Variants in ATXN1 observed in about 807,000 individuals in gnomAD.
ATXN1 encodes ataxin 1.
A neutral mutation model predicts 56.4 loss-of-function variants in ATXN1; 8 were observed. The observed-to-expected ratio is 0.14, with a 90% CI of 0.08 to 0.26. The LOEUF (loss-of-function observed/expected upper bound fraction) is 0.26. Ranked by LOEUF, ATXN1 falls within the 10% of genes least tolerant of loss-of-function variation. The pLI, the probability that ATXN1 is intolerant of heterozygous loss-of-function variation, is 1.00. For missense variants in ATXN1, 987 were observed against 1,106.5 expected (o/e 0.89, Z 1.53); for synonymous variants, 514 against 494.6 (o/e 1.04, Z -0.52).
At chr6:16,624,908 C>G (rs775876213) in intron 3 of ATXN1, among the ~76,000 whole-genome samples, 47 of 152,216 alleles carry the variant, frequency 3.1e-4, no homozygotes, top group Non-Finnish European at 6.0e-4. Flanking sequence ...CAAACTGCAG[C>G]TTCAACCTTT....
At chr6:16,515,176 C>G (rs1218816336) in intron 5 of ATXN1, among the ~76,000 whole-genome samples, 1 of 152,034 alleles carries the variant, frequency 6.6e-6, no homozygotes, top group Non-Finnish European at 1.5e-5. Flanking sequence ...TTGTAACACG[C>G]CCACAGTAGT....
At chr6:16,616,815 T>TA (rs1169252853) in intron 3 of ATXN1, among the ~76,000 whole-genome samples, 2 of 151,120 alleles carry the variant, frequency 1.3e-5, no homozygotes, top group Non-Finnish European at 2.9e-5. Context: ...AGTCTCCCCA[T>TA]AGCCACGGTT....
chr6:16,663,324 T>C (rs960169407), intron 2 of ATXN1, among the ~76,000 whole-genome samples: 1 of 152,132 alleles, frequency 6.6e-6, no homozygotes, highest in Non-Finnish European at 1.5e-5. Flanking sequence ...AGAAAGTCAC[T>C]AAGGATTCAA....
At chr6:16,473,686 C>A (rs1386793507) in intron 6 of ATXN1, among the ~76,000 whole-genome samples, 3 of 152,064 alleles carry the variant, frequency 2.0e-5, no homozygotes, top group Non-Finnish European at 4.4e-5. Context: ...CACAAAGGAG[C>A]GAGGTGAGGA....
intron 2 of ATXN1, among the ~76,000 whole-genome samples, chr6:16,716,648 G>C (rs1280441742): frequency 6.6e-6 from 1 of 152,194 alleles, no homozygotes; most frequent in Non-Finnish European, 1.5e-5. Flanking sequence ...TTTCTGATGA[G>C]GATCAGATAG....
chr6:16,330,725 A>G (rs944952934), intron 6 of ATXN1, among the ~76,000 whole-genome samples: 34 of 152,114 alleles, frequency 2.2e-4, no homozygotes, highest in African/African-American at 8.2e-4. Flanking sequence ...GTTTTGCTCC[A>G]ACATCATCAA....
At chr6:16,719,581 A>T (rs1406889547) in intron 2 of ATXN1, among the ~76,000 whole-genome samples, 1 of 152,216 alleles carries the variant, frequency 6.6e-6, no homozygotes, top group Admixed American at 6.5e-5. Flanking sequence ...TAAGAAGATA[A>T]AAATTAACCA....
rs565400662 is a variant in ATXN1, at chr6:16,304,179, T to C, written c.*2150A>G. 6.5e-6 allele frequency: 1 copy of C among 152,700 alleles called. No homozygotes were observed. The highest frequency in any genetic ancestry group is 2.4e-5 in the African/African-American group (1 of 41,574). 9.5% of individuals were successfully genotyped at this position (152,700 alleles called of 1,614,324 possible). On this transcript the variant is annotated 3_prime_UTR_variant, in exon 8 of 8. Coordinates refer to ENST00000436367, the MANE Select transcript of ATXN1 (RefSeq NM_001128164.2). ...TGTGGGTTGATACCAGATTTTTTTT[T>C]TAATTTGTGAAACGAAGAAAGTACT...
chr6:16,404,764 C>G (rs2237215), intron 6 of ATXN1, among the ~76,000 whole-genome samples: 25,180 of 152,126 alleles, frequency 0.17, 2,643 homozygotes, highest in African/African-American at 0.3. Flanking sequence ...TGAAATGTCA[C>G]TGTTCCCTCT....
Position 16,689,472 on chromosome 6 carries a change from C to A in ATXN1, c.-614-31571G>T, listed in dbSNP as rs541298920. On this transcript the variant is annotated intron_variant, in intron 2 of 7. Transcript: ENST00000436367. Reference sequence around the variant, plus strand: ...AGACTACAGGCAAGAGCCACCACACCCAGTCAATTTTTTCTTTTTTTTCCT... The same window carrying A: ...AGACTACAGGCAAGAGCCACCACACACAGTCAATTTTTTCTTTTTTTTCCT... 7.9e-5 allele frequency among the ~76,000 whole-genome samples: 12 copies of A among 151,276 alleles called. No homozygotes were observed. The South Asian group carries it at 1.5e-3, about 19-fold the overall frequency.
intron 2 of ATXN1, among the ~76,000 whole-genome samples, chr6:16,733,085 T>C (rs1263439503): frequency 6.6e-6 from 1 of 152,250 alleles, no homozygotes; most frequent in African/African-American, 2.4e-5. Flanking sequence ...GGACCCATTC[T>C]GAGTTTTACA....
intron 6 of ATXN1, among the ~76,000 whole-genome samples, chr6:16,388,545 G>A (rs1002932507): frequency 6.6e-6 from 1 of 152,206 alleles, no homozygotes; most frequent in Non-Finnish European, 1.5e-5. Flanking sequence ...ATTAGATTAG[G>A]TCTAGTATTT....
chr6:16,673,080 T>C (rs1758581646), intron 2 of ATXN1, among the ~76,000 whole-genome samples: 2 of 151,696 alleles, frequency 1.3e-5, no homozygotes, highest in South Asian at 2.1e-4. Context: ...ATATGAATTA[T>C]TCTCTAGAGT....
intron 6 of ATXN1, among the ~76,000 whole-genome samples, chr6:16,411,495 A>G (rs1758799849): frequency 1.3e-5 from 2 of 152,286 alleles, no homozygotes; most frequent in South Asian, 4.1e-4. Context: ...ATCTGATTAT[A>G]TTAATAGCAA....
At position 16,345,952 on chromosome 6, in the gene ATXN1, A is replaced by G. The variant is rs138472925; in HGVS notation, c.-160-17482T>C. Among the ~76,000 whole-genome samples, 822 of 152,272 alleles carry G rather than the reference A, an allele frequency of 5.4e-3. 6 individuals are homozygous for G. The highest frequency in any genetic ancestry group is 0.019 in the African/African-American group (773 of 41,568). The stretch of plus-strand genomic sequence containing the variant: ...ATTAACTTAATCAGGTATTCATTCA[A>G]TAAAAAAAAATTGACACTCCCTGGA... On this transcript the variant is annotated intron_variant, in intron 6 of 7. Coordinates refer to ENST00000436367, the MANE Select transcript of ATXN1 (RefSeq NM_001128164.2).
chr6:16,569,513 T>G (rs1762291837), intron 4 of ATXN1, among the ~76,000 whole-genome samples: 2 of 121,756 alleles, frequency 1.6e-5, no homozygotes, highest in African/African-American at 3.0e-5. Flanking sequence ...GGCGACAGAG[T>G]GAGACTCCGT....
chr6:16,700,610 T>C (rs1328865138), intron 2 of ATXN1, among the ~76,000 whole-genome samples: 1 of 152,150 alleles, frequency 6.6e-6, no homozygotes, highest in Non-Finnish European at 1.5e-5. Context: ...GCGGTTGCCA[T>C]GGCCGACCCA....
chr6:16,532,907 A>T (rs1761532230), intron 4 of ATXN1, among the ~76,000 whole-genome samples: 1 of 152,196 alleles, frequency 6.6e-6, no homozygotes, highest in Non-Finnish European at 1.5e-5. Context: ...AACTGAAAGG[A>T]GGCACTTGAA....
At chr6:16,650,250 G>T (rs1048054275) in intron 3 of ATXN1, among the ~76,000 whole-genome samples, 3 of 152,182 alleles carry the variant, frequency 2.0e-5, no homozygotes, top group African/African-American at 7.2e-5. Flanking sequence ...GAGATGGAAG[G>T]GATGGGAGTC....
Sources: allele counts gnomAD v4.1 joint callset (sites outside exome capture counted in the v4.1 genomes callset), GRCh38; gene constraint gnomAD v4.1.1; transcripts MANE v1.5; gene names NCBI Gene and HGNC (gene_info 2026-07-23, HGNC 2026-07-21).